Variants in VPS29 observed in about 807,000 individuals in gnomAD.
The protein encoded by VPS29 is vacuolar protein sorting-associated protein 29.
Under a neutral mutation model 20.0 loss-of-function variants are expected in VPS29, and 2 were observed. The observed-to-expected ratio is 0.10, with a 90% confidence interval of 0.04 to 0.31. The LOEUF is 0.31. Among genes scored for constraint, VPS29 ranks in the 10% least tolerant of loss-of-function variants. VPS29 has a pLI of 1.00. For synonymous variants in VPS29, 81 were observed against 79.3 expected, an observed-to-expected ratio of 1.02 and a Z score of -0.12; for missense variants, 120 against 215.3, an observed-to-expected ratio of 0.56 and a Z score of 2.77.
chr12:110,494,874 C>G (rs1408099745), intron 2 of VPS29, among the ~76,000 whole-genome samples: 2 of 152,004 alleles, frequency 1.3e-5, no homozygotes, highest in Non-Finnish European at 2.9e-5. Context: ...CGCCCAGCAC[C>G]ACACCTGGCT....
intron 2 of VPS29, among the ~76,000 whole-genome samples, chr12:110,494,130 T>G (rs1362411615): frequency 1.3e-5 from 2 of 152,104 alleles, no homozygotes; most frequent in Non-Finnish European, 2.9e-5. Flanking sequence ...TCCAAACTCT[T>G]TTTAAAATAC....
At chr12:110,499,770 A>G (rs1354568050) in intron 1 of VPS29, among the ~76,000 whole-genome samples, 1 of 152,170 alleles carries the variant, frequency 6.6e-6, no homozygotes, top group Non-Finnish European at 1.5e-5. Flanking sequence ...TATTTGCTTT[A>G]TTTTTGAACA....
intron 1 of VPS29, among the ~76,000 whole-genome samples, chr12:110,497,617 G>C (rs942820434): frequency 6.6e-6 from 1 of 152,048 alleles, no homozygotes; most frequent in Non-Finnish European, 1.5e-5. Context: ...CTGGCTGAGT[G>C]CGGTGGCTCA....
chr12:110,495,420 T>C (rs1367423378), intron 2 of VPS29, among the ~76,000 whole-genome samples: 1 of 152,142 alleles, frequency 6.6e-6, no homozygotes, highest in African/African-American at 2.4e-5. Context: ...ATAAAAACTT[T>C]ATAAACTTGG....
chr12:110,491,883 GTAT>G lies in VPS29; in HGVS notation c.*119_*121del, dbSNP rs2062822243. 6 of 699,770 alleles carry G rather than the reference GTAT, an allele frequency of 8.6e-6. No homozygotes were observed. The highest frequency in any genetic ancestry group is 1.5e-5 in the Non-Finnish European group (6 of 400,180). 43.3% of individuals were successfully genotyped at this position (699,770 alleles called of 1,614,324 possible). On this transcript the variant is annotated 3_prime_UTR_variant, in exon 4 of 4. Coordinates refer to ENST00000549578, the MANE Select transcript of VPS29 (RefSeq NM_016226.5). ...CAATTATGTATTAACAGAGAAGATG[GTAT>G]TATATTTTACTGCAAAATATTATAA...
chr12:110,502,066 C>T lies in VPS29; in HGVS notation c.-15G>A, dbSNP rs2135622147. 5 of 1,611,628 alleles carry T rather than the reference C, an allele frequency of 3.1e-6. No individual in the cohort carries two copies. Among genetic ancestry groups the T allele is most frequent in the Middle Eastern group, 1.7e-4 (1 of 5,968 alleles). On this transcript the variant is annotated 5_prime_UTR_variant, in exon 1 of 4. Transcript: ENST00000549578. ...GCCCTCACCATCCTGTCACCGGGCT[C>T]CGCTCAGTCACCACCACCGTCGCCG...
chr12:110,495,075 A>C (rs1293223086), intron 2 of VPS29, among the ~76,000 whole-genome samples: 1 of 152,156 alleles, frequency 6.6e-6, no homozygotes, highest in East Asian at 1.9e-4. Context: ...TAATTTACAC[A>C]AAGTAAAATC....
At chr12:110,497,744 A>G (rs1299002681) in intron 1 of VPS29, among the ~76,000 whole-genome samples, 2 of 151,406 alleles carry the variant, frequency 1.3e-5, no homozygotes, top group African/African-American at 4.8e-5. Context: ...GAAAAATACA[A>G]AAGTTAGCTG....
chr12:110,492,343 G>C (rs1178368305), intron 3 of VPS29, among the ~76,000 whole-genome samples: 2 of 152,184 alleles, frequency 1.3e-5, no homozygotes, highest in African/African-American at 4.8e-5. Context: ...GCTGAGGTGG[G>C]TGGATCACCT....
chr12:110,492,778 C>A, intron 3 of VPS29: 1 of 450,138 alleles, frequency 2.2e-6, no homozygotes. Context: ...TGCACCACCA[C>A]ACCCAGCTAA....
intron 1 of VPS29, chr12:110,501,615 T>A: frequency 6.5e-7 from 1 of 1,534,904 alleles, no homozygotes; most frequent in Non-Finnish European, 8.7e-7. Context: ...CTGTTCTGCA[T>A]TCGAGAGGCC....
At chr12:110,493,853 G>A (rs956826645) in intron 2 of VPS29, among the ~76,000 whole-genome samples, 3 of 151,974 alleles carry the variant, frequency 2.0e-5, no homozygotes, top group Admixed American at 2.0e-4. Context: ...TTTACCTAAG[G>A]CATGTAAGTT....
chr12:110,501,227 A>G (rs1164581780), intron 1 of VPS29, among the ~76,000 whole-genome samples: 1 of 152,076 alleles, frequency 6.6e-6, no homozygotes, highest in Non-Finnish European at 1.5e-5. Flanking sequence ...TCTCTAGTAG[A>G]GGCCCCCAGT....
chr12:110,494,462 G>C (rs1169917590), intron 2 of VPS29, among the ~76,000 whole-genome samples: 3 of 151,698 alleles, frequency 2.0e-5, no homozygotes, highest in Non-Finnish European at 4.4e-5. Context: ...CACCGTGTTA[G>C]CCAGGATGGT....
In VPS29 at chr12:110,502,059, C is replaced by T. The variant is rs747380968; in HGVS notation, c.-8G>A. ...AACTGCAGCCCTCACCATCCTGTCA[C>T]CGGGCTCCGCTCAGTCACCACCACC... On this transcript the variant is annotated 5_prime_UTR_variant, in exon 1 of 4. The change creates a new upstream start codon in the 5' untranslated region. Transcript: ENST00000549578. 6.2e-7 allele frequency: 1 copy of T among 1,612,318 alleles called. No homozygotes were observed. The highest frequency in any genetic ancestry group is 1.1e-5 in the South Asian group (1 of 91,070).
intron 1 of VPS29, chr12:110,496,453 G>T: frequency 3.0e-6 from 1 of 332,486 alleles, no homozygotes; most frequent in South Asian, 8.5e-5. Flanking sequence ...ACATACTTAT[G>T]GTAATGTACT....
intron 1 of VPS29, 28 bp from the exon 2 acceptor site, chr12:110,496,231 A>G (rs764116374): frequency 1.3e-6 from 2 of 1,571,082 alleles, no homozygotes; most frequent in African/African-American, 1.3e-5. Flanking sequence ...GAGATAAAGC[A>G]TAATGTTAAA....
At chr12:110,495,112 G>A (rs1438180582) in intron 2 of VPS29, among the ~76,000 whole-genome samples, 4 of 152,242 alleles carry the variant, frequency 2.6e-5, no homozygotes, top group Non-Finnish European at 1.5e-5. Flanking sequence ...AATATGATGG[G>A]TTTTGACAAA....
rs772586619 is a variant in VPS29 at position 110,502,053 on chromosome 12, C to T, written c.-2G>A. 2.5e-6 allele frequency: 4 copies of T among 1,612,620 alleles called. No individual in the cohort carries two copies. The highest frequency in any genetic ancestry group is 1.3e-5 in the African/African-American group (1 of 74,932). On this transcript the variant is annotated 5_prime_UTR_variant, in exon 1 of 4. Coordinates refer to ENST00000549578, the MANE Select transcript of VPS29 (RefSeq NM_016226.5). ...CGCCGCAACTGCAGCCCTCACCATCCTGTCACCGGGCTCCGCTCAGTCACC... is the reference window on the plus strand; with the variant it reads ...CGCCGCAACTGCAGCCCTCACCATCTTGTCACCGGGCTCCGCTCAGTCACC...
Sources: gnomAD v4.1 joint callset for allele counts (sites outside exome capture counted in the v4.1 genomes callset) on GRCh38, gnomAD v4.1.1 for gene constraint, MANE v1.5 for transcripts, NCBI Gene and HGNC (gene_info 2026-07-23, HGNC 2026-07-21) for gene names.